Variants in ATG7 observed in about 807,000 individuals in gnomAD.
ATG7 encodes the protein autophagy related 7.
Under a neutral mutation model 82.4 loss-of-function variants are expected in ATG7, and 70 were observed. The ratio of observed to expected loss-of-function variants is 0.85; its 90% CI spans 0.70 to 1.04. The LOEUF (loss-of-function observed/expected upper bound fraction) is 1.04. Ranked by LOEUF, ATG7 falls within the 50% of genes least tolerant of loss-of-function variation. ATG7 has a pLI of 0.00. For missense variants in ATG7, 792 were observed against 864.3 expected, an observed-to-expected ratio of 0.92 and a Z score of 1.05; for synonymous variants, 287 against 313.0, an observed-to-expected ratio of 0.92 and a Z score of 0.88.
At chr3:11,486,944 C>G (rs1025618368) in intron 20 of ATG7, among the ~76,000 whole-genome samples, 6 of 150,850 alleles carry the variant, frequency 4.0e-5, no homozygotes, top group Non-Finnish European at 8.8e-5. Flanking sequence ...AACAAGTGAA[C>G]AAAGGTCTTT....
At chr3:11,554,558 G>T (rs113957105) in intron 20 of ATG7, among the ~76,000 whole-genome samples, 1 of 152,224 alleles carries the variant, frequency 6.6e-6, no homozygotes, top group Admixed American at 6.5e-5. Context: ...TGCAGGAGGT[G>T]AGCAGAGGCA....
intron 18 of ATG7, among the ~76,000 whole-genome samples, chr3:11,367,014 TTTA>T (rs2076668889): frequency 2.0e-5 from 3 of 150,876 alleles, no homozygotes; most frequent in South Asian, 2.1e-4. Flanking sequence ...TGTGTGTGTG[TTTA>T]CTTGCTTACA....
chr3:11,524,146 C>T (rs1559797019), intron 20 of ATG7, among the ~76,000 whole-genome samples: 1 of 152,244 alleles, frequency 6.6e-6, no homozygotes, highest in East Asian at 1.9e-4. Flanking sequence ...CCCCAAATCT[C>T]TCCACTGTTC....
intron 5 of ATG7, among the ~76,000 whole-genome samples, chr3:11,301,213 G>C (rs1325964895): frequency 6.6e-6 from 1 of 152,216 alleles, no homozygotes; most frequent in Non-Finnish European, 1.5e-5. Flanking sequence ...TGTTGATTAA[G>C]TCATTGTGGT....
rs1182288716 is a variant in ATG7, at chr3:11,342,299, T to C, written c.1125+20T>C. 6.2e-7 allele frequency: 1 copy of C among 1,601,532 alleles called. No homozygotes were observed. Among genetic ancestry groups the C allele is most frequent in the Non-Finnish European group, 8.5e-7 (1 of 1,175,564 alleles). Reference sequence around the variant, plus strand: ...TTGATGGTAAGTCGGAGGTGGGGGGTGCAAATGGCACCTTTGAAGTTGTAG... The same window carrying C: ...TTGATGGTAAGTCGGAGGTGGGGGGCGCAAATGGCACCTTTGAAGTTGTAG... On this transcript the variant is annotated intron_variant, in intron 13 of 20. Transcript: ENST00000693202.
chr3:11,345,993 A>T, intron 13 of ATG7, among the ~76,000 whole-genome samples: 1 of 152,178 alleles, frequency 6.6e-6, no homozygotes, highest in East Asian at 1.9e-4. Flanking sequence ...ATTTTATTAG[A>T]TATATAATAA....
At chr3:11,549,032 G>C (rs1050457097) in intron 20 of ATG7, among the ~76,000 whole-genome samples, 7 of 152,130 alleles carry the variant, frequency 4.6e-5, no homozygotes, top group African/African-American at 1.4e-4. Flanking sequence ...TTGTGAAGCA[G>C]TGAGGTTCTT....
At chr3:11,525,500 C>T (rs1264948576) in intron 20 of ATG7, among the ~76,000 whole-genome samples, 2 of 134,634 alleles carry the variant, frequency 1.5e-5, no homozygotes, top group African/African-American at 2.9e-5. Flanking sequence ...GACAGATGCT[C>T]ATTTGTTTGT....
intron 19 of ATG7, among the ~76,000 whole-genome samples, chr3:11,411,072 C>CT (rs1023072534): frequency 5.3e-5 from 8 of 152,088 alleles, no homozygotes; most frequent in Admixed American, 3.3e-4. Flanking sequence ...ATGTAGAAGT[C>CT]TTTTTTTATC....
At chr3:11,395,950 A>T (rs2079203124) in intron 19 of ATG7, among the ~76,000 whole-genome samples, 1 of 116,032 alleles carries the variant, frequency 8.6e-6, no homozygotes. Flanking sequence ...AAAAAAAAAA[A>T]AAAAAAAAAA....
chr3:11,453,197 A>G (rs777453057), intron 20 of ATG7, among the ~76,000 whole-genome samples: 2 of 152,178 alleles, frequency 1.3e-5, no homozygotes, highest in Middle Eastern at 3.2e-3. Context: ...CCAGGTGGAG[A>G]ACAGACGGGG....
rs184646570 is a variant in ATG7 at position 11,475,841 on chromosome 3, C to T, written c.2079+48915C>T. Among the ~76,000 whole-genome samples, 48 of 136,060 alleles carry T rather than the reference C, an allele frequency of 3.5e-4. 1 individual carries two copies. The highest frequency in any genetic ancestry group is 2.0e-3 in the Admixed American group (27 of 13,288). 89.3% of individuals were successfully genotyped at this position (136,060 alleles called of 152,430 possible). ...TTGGTATTATTTCTTAACTTTGGTT[C>T]GTCTATGTCCATCTCTCTGTCTCTG... On this transcript the variant is annotated intron_variant, in intron 20 of 20. Coordinates refer to ENST00000693202, the MANE Select transcript of ATG7 (RefSeq NM_001349232.2).
In ATG7 at chr3:11,401,163, G is replaced by A. The variant is rs531775232; in HGVS notation, c.1956+21111G>A. 3.8e-4 allele frequency among the ~76,000 whole-genome samples: 58 copies of A among 152,298 alleles called. No homozygotes were observed. In the South Asian group the frequency reaches 9.1e-3, roughly 24 times the overall value. On this transcript the variant is annotated intron_variant, in intron 19 of 20. Transcript: ENST00000693202. ...CAGACCTAATTAATCAGAAACTGTG[G>A]GGTTGGGCCCAGCTACTTCTGTTTT... is the stretch of plus-strand genomic sequence containing the variant.
At chr3:11,390,441 G>A (rs984398814) in intron 19 of ATG7, among the ~76,000 whole-genome samples, 1 of 152,184 alleles carries the variant, frequency 6.6e-6, no homozygotes, top group African/African-American at 2.4e-5. Context: ...TCCAATAGGC[G>A]CTGAAAGTAT....
At chr3:11,488,522 C>G in intron 20 of ATG7, 1 of 1,181,364 alleles carries the variant, frequency 8.5e-7, no homozygotes. Context: ...GTCCCGGCTC[C>G]GCACTGCCCC....
chr3:11,307,890 A>G (rs1948014870), intron 6 of ATG7, among the ~76,000 whole-genome samples: 2 of 152,216 alleles, frequency 1.3e-5, no homozygotes, highest in African/African-American at 2.4e-5. Context: ...GCTGTGACTC[A>G]GGAGAGGATG....
At chr3:11,429,133 C>A (rs1014688625) in intron 20 of ATG7, among the ~76,000 whole-genome samples, 1 of 152,150 alleles carries the variant, frequency 6.6e-6, no homozygotes, top group Non-Finnish European at 1.5e-5. Context: ...GAGCCAGATA[C>A]GGCTTGCAGG....
At chr3:11,534,500 C>G (rs1320418777) in intron 20 of ATG7, among the ~76,000 whole-genome samples, 1 of 152,236 alleles carries the variant, frequency 6.6e-6, no homozygotes, top group Non-Finnish European at 1.5e-5. Flanking sequence ...GGACACCTCC[C>G]CAGAGCCAAG....
intron 19 of ATG7, among the ~76,000 whole-genome samples, chr3:11,409,491 A>G (rs1012422863): frequency 6.6e-6 from 1 of 152,232 alleles, no homozygotes; most frequent in Non-Finnish European, 1.5e-5. Context: ...AGGCTCAGCT[A>G]TGATGTTCAG....
Sources: allele counts gnomAD v4.1 joint callset (sites outside exome capture counted in the v4.1 genomes callset), GRCh38; gene constraint gnomAD v4.1.1; transcripts MANE v1.5; gene names NCBI Gene and HGNC (gene_info 2026-07-23, HGNC 2026-07-21).